FMNL2: variants seen among roughly 807,000 people sequenced by gnomAD.
The protein encoded by FMNL2 is formin-like protein 2.
A neutral mutation model predicts 130.2 loss-of-function variants in FMNL2; 51 were observed. That is an observed-to-expected ratio of 0.39 (90% CI 0.31 to 0.49). The LOEUF (loss-of-function observed/expected upper bound fraction) is 0.49, where lower values mean the gene tolerates loss of function less well. FMNL2 is among the 20% of genes least tolerant of loss of function. The pLI, the probability that FMNL2 is intolerant of heterozygous loss-of-function variation, is 0.85. For missense variants in FMNL2, 977 were observed against 1,316.2 expected, an observed-to-expected ratio of 0.74 and a Z score of 3.99; for synonymous variants, 465 against 467.1, an observed-to-expected ratio of 1.00 and a Z score of 0.06.
rs560366683 is a variant in FMNL2 at position 152,561,044 on chromosome 2, G to T, written c.596+9G>T. 1 of 1,581,782 alleles carries T rather than the reference G, an allele frequency of 6.3e-7. No individual in the cohort carries two copies. Reference sequence around the variant, plus strand: ...AGACATTCTGCACTGCGGTGAGTTCGTTTAATCAGGAGGCAACTTTGGCAG... The same window carrying T: ...AGACATTCTGCACTGCGGTGAGTTCTTTTAATCAGGAGGCAACTTTGGCAG... On this transcript the variant is annotated intron_variant, in intron 6 of 25. Coordinates refer to ENST00000288670, the MANE Select transcript of FMNL2 (RefSeq NM_052905.4).
chr2:152,557,110 A>C (rs1411370639), intron 4 of FMNL2, among the ~76,000 whole-genome samples: 2 of 152,188 alleles, frequency 1.3e-5, no homozygotes, highest in Admixed American at 1.3e-4. Flanking sequence ...CTAAGCTTCT[A>C]ATTACTAGTA....
intron 4 of FMNL2, among the ~76,000 whole-genome samples, chr2:152,554,967 T>G (rs1299056922): frequency 1.3e-5 from 2 of 152,198 alleles, no homozygotes; most frequent in Non-Finnish European, 2.9e-5. Flanking sequence ...GAAAAAGATG[T>G]GTACTAAATG....
intron 16 of FMNL2, 105 bp from the exon 17 acceptor site, chr2:152,626,420 C>T: frequency 1.1e-6 from 1 of 904,674 alleles, no homozygotes; most frequent in South Asian, 1.7e-5. Context: ...AAGACAAGTA[C>T]TTAATAGAAA....
At chr2:152,337,095 C>T (rs1681514264) in intron 1 of FMNL2, among the ~76,000 whole-genome samples, 1 of 152,170 alleles carries the variant, frequency 6.6e-6, no homozygotes. Flanking sequence ...TCTCTCCCGC[C>T]ACCTGGAAAC....
At chr2:152,624,206 A>C (rs1173215447) in intron 15 of FMNL2, among the ~76,000 whole-genome samples, 2 of 150,014 alleles carry the variant, frequency 1.3e-5, no homozygotes, top group Non-Finnish European at 3.0e-5. Flanking sequence ...TACCCAGGCT[A>C]GAGTGCTATG....
At chr2:152,518,313 A>T (rs1269316861) in intron 1 of FMNL2, among the ~76,000 whole-genome samples, 1 of 152,214 alleles carries the variant, frequency 6.6e-6, no homozygotes, top group Non-Finnish European at 1.5e-5. Flanking sequence ...GGCTTGGCTC[A>T]TGGAAGGGGT....
chr2:152,563,228 A>G (rs1034213168), intron 6 of FMNL2, among the ~76,000 whole-genome samples: 1 of 152,238 alleles, frequency 6.6e-6, no homozygotes, highest in Non-Finnish European at 1.5e-5. Flanking sequence ...GGCATTATAT[A>G]TATGATGTTT....
intron 1 of FMNL2, among the ~76,000 whole-genome samples, chr2:152,383,960 C>T (rs1332319490): frequency 6.6e-6 from 1 of 152,084 alleles, no homozygotes; most frequent in Admixed American, 6.5e-5. Context: ...AGATCTCATC[C>T]CTTACATTTC....
chr2:152,343,596 T>C (rs2105741217), intron 1 of FMNL2, among the ~76,000 whole-genome samples: 1 of 152,212 alleles, frequency 6.6e-6, no homozygotes, highest in South Asian at 2.1e-4. Context: ...ACACCCGGCT[T>C]AAATAGTTCA....
chr2:152,546,412 C>T (rs940817956), intron 3 of FMNL2, among the ~76,000 whole-genome samples: 1 of 152,006 alleles, frequency 6.6e-6, no homozygotes, highest in East Asian at 1.9e-4. Flanking sequence ...TCTTAAACAG[C>T]CAGATCTCAC....
intron 1 of FMNL2, among the ~76,000 whole-genome samples, chr2:152,468,710 A>G (rs896509987): frequency 1.3e-5 from 2 of 152,202 alleles, no homozygotes; most frequent in Non-Finnish European, 2.9e-5. Context: ...CTACTAGAAA[A>G]TTTAATTCCA....
intron 1 of FMNL2, among the ~76,000 whole-genome samples, chr2:152,466,940 T>A (rs1689579673): frequency 6.6e-6 from 1 of 152,180 alleles, no homozygotes; most frequent in South Asian, 2.1e-4. Flanking sequence ...CCTGCACCGA[T>A]TTTGTCCCTG....
intron 1 of FMNL2, among the ~76,000 whole-genome samples, chr2:152,386,710 T>C (rs1684802168): frequency 6.6e-6 from 1 of 152,188 alleles, no homozygotes; most frequent in Non-Finnish European, 1.5e-5. Flanking sequence ...GGAGATTTCT[T>C]ACACAGAGGT....
chr2:152,485,537 C>A (rs1397295458), intron 1 of FMNL2, among the ~76,000 whole-genome samples: 2 of 152,162 alleles, frequency 1.3e-5, no homozygotes, highest in East Asian at 1.9e-4. Flanking sequence ...GTAAGACTCT[C>A]TGCCTGTCAT....
chr2:152,394,304 A>G (rs1269981674), intron 1 of FMNL2, among the ~76,000 whole-genome samples: 1 of 152,156 alleles, frequency 6.6e-6, no homozygotes, highest in East Asian at 1.9e-4. Context: ...AGTTGTGTAT[A>G]GTGTGATTTG....
chr2:152,413,975 A>G (rs1176667787), intron 1 of FMNL2, among the ~76,000 whole-genome samples: 1 of 152,182 alleles, frequency 6.6e-6, no homozygotes, highest in Non-Finnish European at 1.5e-5. Flanking sequence ...GTCCATTTAA[A>G]AAGGATTTTT....
intron 1 of FMNL2, among the ~76,000 whole-genome samples, chr2:152,445,301 T>C (rs185414490): frequency 2.0e-5 from 3 of 152,338 alleles, no homozygotes; most frequent in Admixed American, 1.3e-4. Context: ...GGAAACGCCC[T>C]TGAGATTCTG....
intron 1 of FMNL2, among the ~76,000 whole-genome samples, chr2:152,458,140 A>G (rs977398349): frequency 6.6e-6 from 1 of 152,216 alleles, no homozygotes; most frequent in African/African-American, 2.4e-5. Flanking sequence ...TATTCTGCCT[A>G]TCAAAGAAGG....
intron 1 of FMNL2, among the ~76,000 whole-genome samples, chr2:152,502,327 C>T (rs191316226): frequency 5.9e-5 from 9 of 152,310 alleles, no homozygotes; most frequent in African/African-American, 2.2e-4. Context: ...CAGGTTATAA[C>T]ATTTATTTTT....
Sources: gnomAD v4.1 joint callset for allele counts (sites outside exome capture counted in the v4.1 genomes callset) on GRCh38, gnomAD v4.1.1 for gene constraint, MANE v1.5 for transcripts, NCBI Gene and HGNC (gene_info 2026-07-23, HGNC 2026-07-21) for gene names.